The following CBFB variants were observed in gnomAD, a reference collection of about 807,000 sequenced individuals.
The protein encoded by CBFB is core-binding factor subunit beta.
Under a neutral mutation model 30.4 loss-of-function variants are expected in CBFB, and 9 were observed. That is an observed-to-expected ratio of 0.30 (90% confidence interval 0.18 to 0.52). The LOEUF is 0.52. CBFB is among the 20% of genes least tolerant of loss of function. The pLI is 0.97. For missense variants in CBFB, 170 were observed against 244.0 expected, an observed-to-expected ratio of 0.70 and a Z score of 2.02; for synonymous variants, 94 against 84.0, an observed-to-expected ratio of 1.12 and a Z score of -0.65.
chr16:67,081,728 T>TG lies in CBFB; in HGVS notation c.400-481dup, dbSNP rs536114536. Among the ~76,000 whole-genome samples the TG allele has an allele frequency of 4.4e-3, 675 of 152,010 alleles. 3 individuals carry two copies. Among genetic ancestry groups the TG allele is most frequent in the African/African-American group, 0.016 (647 of 41,474 alleles). On this transcript the variant is annotated intron_variant, in intron 4 of 5. Coordinates refer to ENST00000412916, the MANE Select transcript of CBFB (RefSeq NM_022845.3). ...GGCTGAGGCAGGAGAATTGCTGTAA[T>TG]GGGGTTAAGCCTATGATTTTCAGGT...
rs550362920 is a variant in CBFB, at chr16:67,089,213, A to T, written c.495+6905A>T. On this transcript the variant is annotated intron_variant, in intron 5 of 5. Coordinates refer to ENST00000412916, the MANE Select transcript of CBFB (RefSeq NM_022845.3). The stretch of plus-strand genomic sequence containing the variant: ...CCTTTACCAAATACTCTTGTCATTG[A>T]TATACATTAAAATGATATACATAAG... Among the ~76,000 whole-genome samples the T allele has an allele frequency of 9.9e-5, 15 of 152,268 alleles. No individual in the cohort carries two copies. The South Asian group carries it at 3.1e-3, about 32-fold the overall frequency.
intron 3 of CBFB, among the ~76,000 whole-genome samples, chr16:67,041,768 C>CTT (rs140180530): frequency 0.018 from 1,760 of 98,864 alleles, 40 homozygotes; most frequent in African/African-American, 0.035. Context: ...TGTTTCTTTA[C>CTT]TTTTTTTTTT....
Position 67,041,888 on chromosome 16 carries a change from C to T in CBFB, c.282+5133C>T, listed in dbSNP as rs1465088752. On this transcript the variant is annotated intron_variant, in intron 3 of 5. Coordinates refer to ENST00000412916, the MANE Select transcript of CBFB (RefSeq NM_022845.3). ...CCTCAAACTCCTAGGCTCAAGAGAT[C>T]CTCCTGCCCTTCTTTTTTTTTTTTT... Among the ~76,000 whole-genome samples the T allele has an allele frequency of 4.7e-5, 7 of 149,212 alleles. No individual in the cohort carries two copies. In the East Asian group the frequency reaches 1.4e-3, roughly 29 times the overall value.
chr16:67,030,233 G>A (rs1402890489), intron 2 of CBFB: 1 of 163,616 alleles, frequency 6.1e-6, no homozygotes, highest in Admixed American at 6.5e-5. Flanking sequence ...TCTGTGTCAA[G>A]CGGTCTCACT....
At chr16:67,052,419 T>C (rs527445680) in intron 3 of CBFB, among the ~76,000 whole-genome samples, 53 of 151,898 alleles carry the variant, frequency 3.5e-4, no homozygotes, top group Non-Finnish European at 5.3e-4. Flanking sequence ...AATAAAAACA[T>C]TTTTTAAGTG....
intron 4 of CBFB, among the ~76,000 whole-genome samples, chr16:67,070,299 G>A (rs150825941): frequency 6.6e-6 from 1 of 152,304 alleles, no homozygotes; most frequent in Non-Finnish European, 1.5e-5. Flanking sequence ...AGCTACTTGG[G>A]AGGCTGAAGC....
intron 4 of CBFB, among the ~76,000 whole-genome samples, chr16:67,071,979 G>A (rs981410180): frequency 6.6e-6 from 1 of 152,096 alleles, no homozygotes; most frequent in Admixed American, 6.6e-5. Flanking sequence ...GCCCAACACA[G>A]CTTTGTTTCT....
At chr16:67,065,090 G>A (rs931481954) in intron 3 of CBFB, among the ~76,000 whole-genome samples, 4 of 152,190 alleles carry the variant, frequency 2.6e-5, no homozygotes, top group Non-Finnish European at 5.9e-5. Flanking sequence ...GTAGAGATGG[G>A]GTTTTGCCAT....
At chr16:67,068,748 C>T (rs1335468108) in intron 4 of CBFB, among the ~76,000 whole-genome samples, 1 of 151,924 alleles carries the variant, frequency 6.6e-6, no homozygotes, top group Non-Finnish European at 1.5e-5. Flanking sequence ...TTGAGGGGGC[C>T]CAAGTGTTGG....
In CBFB at chr16:67,029,391, G is replaced by A. The variant is rs377649851; in HGVS notation, c.-17G>A. ...AGCCCCGAGCGCGGCCGGCCGGCGC[G>A]GCCTCAGGGCGGGAAGATGCCGCGC... is the stretch of plus-strand genomic sequence containing the variant. On this transcript the variant is annotated 5_prime_UTR_variant, in exon 1 of 6. Coordinates refer to ENST00000412916, the MANE Select transcript of CBFB (RefSeq NM_022845.3). 7 of 1,511,276 alleles carry A rather than the reference G, an allele frequency of 4.6e-6. No homozygotes were observed. The Admixed American group carries it at 1.5e-4, about 33-fold the overall frequency. 93.6% of individuals were successfully genotyped at this position (1,511,276 alleles called of 1,614,324 possible).
chr16:67,090,617 A>G (rs930719519), intron 5 of CBFB, among the ~76,000 whole-genome samples: 7 of 152,196 alleles, frequency 4.6e-5, no homozygotes, highest in African/African-American at 1.2e-4. Context: ...CTTTTGACCT[A>G]AAACTGTAAT....
At position 67,100,367 on chromosome 16, in the gene CBFB, A is replaced by G. The variant is rs1432006361; in HGVS notation, c.*1589A>G. ...CATAAACAGATATCCTGTATCAAAT[A>G]AAAGTATTTGTTATATATTTGAAGT... On this transcript the variant is annotated 3_prime_UTR_variant, in exon 6 of 6. Transcript: ENST00000412916. 3 of 221,568 alleles carry G rather than the reference A, an allele frequency of 1.4e-5. No individual in the cohort carries two copies. The highest frequency in any genetic ancestry group is 2.7e-5 in the Non-Finnish European group (3 of 110,572). 13.7% of individuals were successfully genotyped at this position (221,568 alleles called of 1,614,324 possible). A position where few individuals can be genotyped will look rare whatever the true frequency, so the allele number is the denominator to read the frequency against.
At chr16:67,074,632 C>T (rs561535362) in intron 4 of CBFB, among the ~76,000 whole-genome samples, 6 of 152,056 alleles carry the variant, frequency 3.9e-5, no homozygotes, top group Non-Finnish European at 8.8e-5. Context: ...CCACCCGCTT[C>T]GGCCTCCCAA....
At chr16:67,033,703 C>G (rs1966394367) in intron 2 of CBFB, among the ~76,000 whole-genome samples, 1 of 151,044 alleles carries the variant, frequency 6.6e-6, no homozygotes, top group South Asian at 2.1e-4. Flanking sequence ...GCTCCGCCTC[C>G]TGGGTTCACG....
At chr16:67,081,823 TTTTTTTTTTC>T (rs1046855317) in intron 4 of CBFB, among the ~76,000 whole-genome samples, 43 of 149,098 alleles carry the variant, frequency 2.9e-4, no homozygotes, top group Non-Finnish European at 2.5e-4. Flanking sequence ...TGCTGTTTCT[TTTTTTTTTTC>T]TTTTTTTTTC....
intron 4 of CBFB, among the ~76,000 whole-genome samples, chr16:67,076,389 AAAAT>A (rs1961396309): frequency 1.3e-5 from 2 of 152,172 alleles, no homozygotes; most frequent in South Asian, 2.1e-4. Context: ...CTGCCTCAAA[AAAAT>A]AAATAATTTA....
intron 5 of CBFB, among the ~76,000 whole-genome samples, chr16:67,083,697 TC>T (rs1242641224): frequency 1.3e-5 from 2 of 152,152 alleles, no homozygotes; most frequent in East Asian, 3.8e-4. Context: ...TGAGCTTTTT[TC>T]CCCCCACTTT....
intron 3 of CBFB, among the ~76,000 whole-genome samples, chr16:67,055,515 A>C: frequency 6.6e-6 from 1 of 151,186 alleles, no homozygotes; most frequent in African/African-American, 2.4e-5. Flanking sequence ...CACCACGCCC[A>C]GCTGATTTTT....
At chr16:67,057,951 A>C (rs1015997346) in intron 3 of CBFB, among the ~76,000 whole-genome samples, 1 of 152,114 alleles carries the variant, frequency 6.6e-6, no homozygotes, top group Non-Finnish European at 1.5e-5. Flanking sequence ...CTCTTTCTCT[A>C]ATTTCTCATG....
Sources: gnomAD v4.1 joint callset for allele counts (sites outside exome capture counted in the v4.1 genomes callset) on GRCh38, gnomAD v4.1.1 for gene constraint, MANE v1.5 for transcripts, NCBI Gene and HGNC (gene_info 2026-07-23, HGNC 2026-07-21) for gene names.